BCO2: variants seen among roughly 807,000 people sequenced by gnomAD.
BCO2 encodes beta-carotene oxygenase 2, also known as carotenoid-cleaving dioxygenase, mitochondrial.
A neutral mutation model predicts 65.8 loss-of-function variants in BCO2; 56 were observed. The observed-to-expected ratio is 0.85, with a 90% CI of 0.69 to 1.06. The LOEUF is 1.06. Among genes scored for constraint, BCO2 ranks in the 50% least tolerant of loss-of-function variants. BCO2 has a pLI of 0.00. For synonymous variants in BCO2, 233 were observed against 242.3 expected (o/e 0.96, Z 0.36); for missense variants, 675 against 698.5 (o/e 0.97, Z 0.38).
intron 2 of BCO2, among the ~76,000 whole-genome samples, chr11:112,184,486 C>T (rs1306237730): frequency 6.6e-6 from 1 of 152,076 alleles, no homozygotes; most frequent in Non-Finnish European, 1.5e-5. Flanking sequence ...ATCTCCTGAC[C>T]TCGTGATCAG....
intron 4 of BCO2, 91 bp from the exon 5 acceptor site, chr11:112,194,562 C>T: frequency 2.5e-6 from 2 of 792,956 alleles, no homozygotes; most frequent in Non-Finnish European, 4.2e-6. Context: ...GTTTTCTTAT[C>T]ATATTTTTAA....
Position 112,217,957 on chromosome 11 carries a change from C to G in BCO2, c.*83C>G. On this transcript the variant is annotated 3_prime_UTR_variant, in exon 12 of 12. Transcript: ENST00000357685. ...AGACTGGAGAAATAAACACTGAGGA[C>G]TCCAAAAGGGGGGCAAGGAGGAAGA... is the stretch of plus-strand genomic sequence containing the variant. 1.0e-6 allele frequency: 1 copy of G among 990,056 alleles called. No individual in the cohort carries two copies. Among genetic ancestry groups the G allele is most frequent in the Non-Finnish European group, 1.5e-6 (1 of 659,976 alleles). 61.3% of individuals were successfully genotyped at this position (990,056 alleles called of 1,614,324 possible). A position where few individuals can be genotyped will look rare whatever the true frequency, so the allele number is the denominator to read the frequency against.
chr11:112,202,230 T>C (rs2135382145), intron 8 of BCO2, 40 bp downstream of exon 8: 1 of 1,557,950 alleles, frequency 6.4e-7, no homozygotes, highest in Non-Finnish European at 8.7e-7. Flanking sequence ...AAAATAATTT[T>C]GAACTCCAAG....
chr11:112,203,627 A>C (rs1867791813), intron 8 of BCO2, among the ~76,000 whole-genome samples: 1 of 152,234 alleles, frequency 6.6e-6, no homozygotes, highest in African/African-American at 2.4e-5. Flanking sequence ...CTTGTTTAAC[A>C]AAAATCTCTG....
intron 5 of BCO2, among the ~76,000 whole-genome samples, chr11:112,198,349 G>T (rs1035740243): frequency 6.6e-5 from 10 of 151,998 alleles, no homozygotes; most frequent in Non-Finnish European, 1.2e-4. Context: ...GAAGCCAGTG[G>T]AGGAAGGGGG....
chr11:112,199,663 T>C (rs1021267375), intron 5 of BCO2, 36 bp from the exon 6 acceptor site: 5 of 1,597,890 alleles, frequency 3.1e-6, no homozygotes, highest in South Asian at 1.1e-5. Context: ...CTAGAATATA[T>C]GTAAAACAGG....
chr11:112,193,534 A>G lies in BCO2; in HGVS notation c.354A>G (p.Thr118=). 2 of 1,614,226 alleles carry G rather than the reference A, an allele frequency of 1.2e-6. No individual in the cohort carries two copies. Among genetic ancestry groups the G allele is most frequent in the South Asian group, 1.1e-5 (1 of 91,078 alleles). Residue 118 remains threonine, a synonymous_variant, in exon 3 of 12, where the codon ACA becomes ACG. Transcript: ENST00000357685. ...ACCAGTTCAGAATGGCAAAGGGCAC[A>G]GTGACATACAGGAGCAAGTTTCTAC... The part of the protein sequence containing the change: ...LLHQFRMAKG[T]VTYRSKFLQS...
chr11:112,203,978 C>T (rs1242506792), intron 8 of BCO2, among the ~76,000 whole-genome samples: 5 of 152,198 alleles, frequency 3.3e-5, no homozygotes, highest in East Asian at 1.9e-4. Flanking sequence ...CTCAGCCTCC[C>T]GAGTAGCTGG....
At chr11:112,209,794 C>T (rs1859457564) in intron 8 of BCO2, among the ~76,000 whole-genome samples, 1 of 152,138 alleles carries the variant, frequency 6.6e-6, no homozygotes, top group South Asian at 2.1e-4. Context: ...CCCTTCCATT[C>T]CTGAAGTAAA....
chr11:112,193,489 T>G lies in BCO2; in HGVS notation c.309T>G (p.Phe103Leu). Residue 103 changes from phenylalanine to leucine, a missense_variant, in exon 3 of 12, where the codon TTT (phenylalanine) becomes TTG (leucine). Phe to Leu is a conservative substitution (Grantham distance 22, BLOSUM62 0). Transcript: ENST00000357685. ...CTGTTTGAAGGTACAATCATTGGTT[T>G]GATGGGATGGCGCTGCTTCACCAGT... ...EFGKDKYNHW[F>L]DGMALLHQFR... 1.9e-6 allele frequency: 3 copies of G among 1,614,178 alleles called. No individual in the cohort carries two copies. The highest frequency in any genetic ancestry group is 2.5e-6 in the Non-Finnish European group (3 of 1,180,028).
At chr11:112,194,382 C>G in intron 4 of BCO2, 1 of 429,666 alleles carries the variant, frequency 2.3e-6, no homozygotes, top group Non-Finnish European at 4.1e-6. Context: ...AATTTTAATT[C>G]TTATGCTTCT....
At position 112,218,750 on chromosome 11, in the gene BCO2, TAAGAA is replaced by T. The variant is rs1188027064; in HGVS notation, c.*879_*883del. The T allele has an allele frequency of 6.6e-6, 1 of 152,560 alleles. No homozygotes were observed. The highest frequency in any genetic ancestry group is 1.5e-5 in the Non-Finnish European group (1 of 68,174). The allele number at this position is 152,560 out of a possible 1,614,324, so 9.5% of individuals were successfully genotyped here. ...ATAAAACTTTGGCACTCATGTTTCT[TAAGAA>T]AAAACACCACAAAGCAGAATTCATA... is the stretch of plus-strand genomic sequence containing the variant. On this transcript the variant is annotated 3_prime_UTR_variant, in exon 12 of 12. Transcript: ENST00000357685.
chr11:112,175,760 C>T (rs1866866280), intron 1 of BCO2, 71 bp downstream of exon 1: 1 of 1,372,864 alleles, frequency 7.3e-7, no homozygotes. Flanking sequence ...TTCTGTGCCT[C>T]TTTCCTGAAG....
intron 2 of BCO2, among the ~76,000 whole-genome samples, chr11:112,186,297 C>G (rs1386180867): frequency 2.0e-5 from 3 of 152,214 alleles, no homozygotes; most frequent in Admixed American, 6.5e-5. Flanking sequence ...TGAAGATAAG[C>G]ATCTTTGTGG....
At chr11:112,181,337 A>G (rs564954131) in intron 2 of BCO2, 5 of 525,812 alleles carry the variant, frequency 9.5e-6, no homozygotes, top group South Asian at 2.0e-5. Flanking sequence ...GCCCGCCACT[A>G]CGCCCGGCTA....
chr11:112,200,865 A>T (rs897350066), intron 7 of BCO2, 92 bp downstream of exon 7: 60 of 1,384,196 alleles, frequency 4.3e-5, no homozygotes, highest in African/African-American at 5.8e-5. Flanking sequence ...TCCCTGGTTA[A>T]AAGTGCATAA....
intron 8 of BCO2, among the ~76,000 whole-genome samples, chr11:112,207,489 G>A (rs1233007914): frequency 1.3e-5 from 2 of 152,130 alleles, no homozygotes; most frequent in Non-Finnish European, 2.9e-5. Flanking sequence ...ATCTGTATAT[G>A]CATTATTCTG....
Position 112,217,736 on chromosome 11 carries a change from TTCAATATTG to T in BCO2, c.1627-22_1627-14del. 6.5e-7 allele frequency: 1 copy of T among 1,543,954 alleles called. No homozygotes were observed. Among genetic ancestry groups the T allele is most frequent in the Non-Finnish European group, 8.9e-7 (1 of 1,121,628 alleles). ...AATTTTTGATGAAAAAAAGATAATT[TTCAATATTG>T]TCTTTTCTTTTCTAGAATGAAAGCA... is the stretch of plus-strand genomic sequence containing the variant. On this transcript the variant is annotated splice_polypyrimidine_tract_variant and intron_variant, in intron 11 of 11. Coordinates refer to ENST00000357685, the MANE Select transcript of BCO2 (RefSeq NM_031938.7).
At position 112,175,592 on chromosome 11, in the gene BCO2, C is replaced by G. The variant is rs201320164; in HGVS notation, c.-10C>G. 4.4e-4 allele frequency: 706 copies of G among 1,604,736 alleles called. 2 individuals are homozygous for G. Among genetic ancestry groups the G allele is most frequent in the Middle Eastern group, 3.6e-3 (22 of 6,046 alleles). On this transcript the variant is annotated 5_prime_UTR_variant, in exon 1 of 12. Transcript: ENST00000357685. ...GGATTTGGAAATCACTGGATCTGCT[C>G]AATACAAAAATGTTTTTTCGAGTCT...
Sources: allele counts gnomAD v4.1 joint callset (sites outside exome capture counted in the v4.1 genomes callset), GRCh38; gene constraint gnomAD v4.1.1; transcripts MANE v1.5; gene names NCBI Gene and HGNC (gene_info 2026-07-23, HGNC 2026-07-21).